Variants in DLG2 observed in about 807,000 individuals in gnomAD.
DLG2 encodes the protein disks large homolog 2.
Under a neutral mutation model 132.5 loss-of-function variants are expected in DLG2, and 45 were observed. That is an observed-to-expected ratio of 0.34 (90% confidence interval 0.27 to 0.44). The LOEUF (loss-of-function observed/expected upper bound fraction) is 0.44, where lower values mean the gene tolerates loss of function less well. DLG2 is among the 20% of genes least tolerant of loss of function. The pLI is 1.00. For synonymous variants in DLG2, 424 were observed against 419.6 expected (o/e 1.01, Z -0.13); for missense variants, 1,045 against 1,196.9 (o/e 0.87, Z 1.87).
intron 13 of DLG2, among the ~76,000 whole-genome samples, chr11:83,964,307 T>C (rs2089672474): frequency 6.6e-6 from 1 of 152,068 alleles, no homozygotes; most frequent in Non-Finnish European, 1.5e-5. Context: ...AAGGTAAGTC[T>C]GATCTCAATT....
At chr11:85,031,350 C>T (rs1258090868) in intron 6 of DLG2, among the ~76,000 whole-genome samples, 1 of 151,906 alleles carries the variant, frequency 6.6e-6, no homozygotes, top group Non-Finnish European at 1.5e-5. Context: ...CAGTGTACAG[C>T]TGATATTTAT....
intron 6 of DLG2, among the ~76,000 whole-genome samples, chr11:85,032,289 T>C (rs527971539): frequency 2.6e-5 from 4 of 152,316 alleles, no homozygotes; most frequent in African/African-American, 7.2e-5. Context: ...CTTTCAAACA[T>C]TGATTGCCTT....
At position 84,354,185 on chromosome 11, in the gene DLG2, C is replaced by T. The variant is rs77278859; in HGVS notation, c.520-102894G>A. On this transcript the variant is annotated intron_variant, in intron 7 of 27. Transcript: ENST00000376104. ...CTTCTTTGGCATCTGAGTAAAATATCATAACATCAAAAATAATCCAATGTA... is the reference window on the plus strand; with the variant it reads ...CTTCTTTGGCATCTGAGTAAAATATTATAACATCAAAAATAATCCAATGTA... 3.3e-3 allele frequency among the ~76,000 whole-genome samples: 505 copies of T among 152,152 alleles called. 22 individuals are homozygous for T. The East Asian group carries it at 0.075, about 23-fold the overall frequency.
intron 6 of DLG2, among the ~76,000 whole-genome samples, chr11:84,550,998 A>T (rs1305861315): frequency 6.6e-6 from 1 of 152,084 alleles, no homozygotes; most frequent in African/African-American, 2.4e-5. Flanking sequence ...ACCACTGTGA[A>T]TTGTCTCTGG....
chr11:84,573,743 A>T (rs1285456614), intron 6 of DLG2, among the ~76,000 whole-genome samples: 1 of 152,184 alleles, frequency 6.6e-6, no homozygotes, highest in East Asian at 1.9e-4. Flanking sequence ...TGTCATGGGG[A>T]GGAAAAGCTG....
intron 6 of DLG2, among the ~76,000 whole-genome samples, chr11:84,557,261 C>A (rs1408616370): frequency 6.6e-6 from 1 of 152,010 alleles, no homozygotes; most frequent in African/African-American, 2.4e-5. Context: ...TTTGAAAGGT[C>A]TTAGAAGCAA....
chr11:83,843,480 T>C (rs1243573283), intron 16 of DLG2, among the ~76,000 whole-genome samples: 1 of 152,222 alleles, frequency 6.6e-6, no homozygotes, highest in East Asian at 1.9e-4. Context: ...TACCCATCCA[T>C]CTATGCTGTC....
intron 3 of DLG2, among the ~76,000 whole-genome samples, chr11:85,463,821 G>A (rs1003984631): frequency 6.6e-6 from 1 of 151,932 alleles, no homozygotes; most frequent in Non-Finnish European, 1.5e-5. Flanking sequence ...TTGAGTACAT[G>A]AGAGAGAACT....
chr11:85,100,758 G>T (rs2070728574), intron 6 of DLG2, among the ~76,000 whole-genome samples: 1 of 152,066 alleles, frequency 6.6e-6, no homozygotes, highest in African/African-American at 2.4e-5. Context: ...AGTTACTTAG[G>T]TTAGAGAAGA....
At chr11:83,609,562 C>A (rs2059816313) in intron 19 of DLG2, among the ~76,000 whole-genome samples, 1 of 152,096 alleles carries the variant, frequency 6.6e-6, no homozygotes. Context: ...ATTTTAAACC[C>A]AAAAACGAAA....
chr11:84,600,208 GAA>G lies in DLG2; in HGVS notation c.358-65479_358-65478del, dbSNP rs774338743. ...AGAAAGAAAGAAAGAAAGAAAGAAA[GAA>G]AGAAAGAAAGAAAGAGAAAGAAAGA... On this transcript the variant is annotated intron_variant, in intron 6 of 27. Transcript: ENST00000376104. Among the ~76,000 whole-genome samples, 231 of 137,316 alleles carry G rather than the reference GAA, an allele frequency of 1.7e-3. 2 individuals carry two copies. Among genetic ancestry groups the G allele is most frequent in the Middle Eastern group, 3.8e-3 (1 of 266 alleles). The allele number at this position is 137,316 out of a possible 152,430, so 90.1% of individuals were successfully genotyped here.
intron 19 of DLG2, among the ~76,000 whole-genome samples, chr11:83,561,782 T>A (rs1289521074): frequency 6.6e-6 from 1 of 151,798 alleles, no homozygotes. Context: ...TAAATAGCTA[T>A]CATTTACTGA....
intron 3 of DLG2, among the ~76,000 whole-genome samples, chr11:85,480,133 G>C (rs1156568422): frequency 6.6e-6 from 1 of 152,072 alleles, no homozygotes; most frequent in Non-Finnish European, 1.5e-5. Context: ...GCAAGGAATG[G>C]GGAGAAAAAG....
chr11:85,234,566 G>T (rs1475533383), intron 4 of DLG2, among the ~76,000 whole-genome samples: 1 of 151,908 alleles, frequency 6.6e-6, no homozygotes, highest in Non-Finnish European at 1.5e-5. Flanking sequence ...CAATTAAATG[G>T]GGCACCCATG....
At chr11:85,337,723 G>A (rs1288433716) in intron 3 of DLG2, among the ~76,000 whole-genome samples, 1 of 152,120 alleles carries the variant, frequency 6.6e-6, no homozygotes, top group Non-Finnish European at 1.5e-5. Context: ...CTCTACACTG[G>A]AAGAAAATAT....
intron 3 of DLG2, among the ~76,000 whole-genome samples, chr11:85,536,769 C>T (rs556760336): frequency 5.9e-5 from 9 of 152,354 alleles, no homozygotes; most frequent in South Asian, 2.1e-4. Context: ...ATGCATGGAC[C>T]GCCATTCCCT....
chr11:84,487,382 AATTAAT>A (rs1344538396), intron 7 of DLG2, among the ~76,000 whole-genome samples: 1 of 152,124 alleles, frequency 6.6e-6, no homozygotes, highest in Non-Finnish European at 1.5e-5. Context: ...GTTTCATAAG[AATTAAT>A]ATTTATTGGC....
chr11:84,195,356 G>A (rs959830845), intron 8 of DLG2, among the ~76,000 whole-genome samples: 7 of 152,050 alleles, frequency 4.6e-5, no homozygotes, highest in Admixed American at 4.6e-4. Flanking sequence ...GTAGAGACGG[G>A]GTTTCACCCA....
At chr11:84,669,941 A>G (rs1462094435) in intron 6 of DLG2, among the ~76,000 whole-genome samples, 1 of 152,192 alleles carries the variant, frequency 6.6e-6, no homozygotes, top group African/African-American at 2.4e-5. Context: ...TTCCTTGAAG[A>G]GAGACCAGCA....
Sources: gnomAD v4.1 joint callset for allele counts (sites outside exome capture counted in the v4.1 genomes callset) on GRCh38, gnomAD v4.1.1 for gene constraint, MANE v1.5 for transcripts, NCBI Gene and HGNC (gene_info 2026-07-23, HGNC 2026-07-21) for gene names.